The following GALNTL6 variants were observed in gnomAD, a reference collection of about 807,000 sequenced individuals.
The protein encoded by GALNTL6 is polypeptide N-acetylgalactosaminyltransferase-like 6.
A neutral mutation model predicts 73.7 loss-of-function variants in GALNTL6; 46 were observed. The ratio of observed to expected loss-of-function variants is 0.62; its 90% CI spans 0.49 to 0.80. GALNTL6 has a LOEUF of 0.80. GALNTL6 is among the 30% of genes least tolerant of loss of function. GALNTL6 has a pLI of 0.00. For missense variants in GALNTL6, 604 were observed against 755.0 expected (o/e 0.80, Z 2.34); for synonymous variants, 259 against 263.7 (o/e 0.98, Z 0.17).
At chr4:172,185,025 A>G (rs1030083892) in intron 2 of GALNTL6, among the ~76,000 whole-genome samples, 1 of 152,212 alleles carries the variant, frequency 6.6e-6, no homozygotes, top group Admixed American at 6.5e-5. Context: ...CATTCAAACC[A>G]TAGCAGGTGA....
chr4:171,877,076 G>A (rs1303034798), intron 2 of GALNTL6, among the ~76,000 whole-genome samples: 1 of 152,058 alleles, frequency 6.6e-6, no homozygotes, highest in Non-Finnish European at 1.5e-5. Context: ...AAATGTATTT[G>A]TAGACCCAAG....
chr4:172,597,884 A>G (rs1355596812), intron 5 of GALNTL6, among the ~76,000 whole-genome samples: 1 of 152,006 alleles, frequency 6.6e-6, no homozygotes, highest in Non-Finnish European at 1.5e-5. Context: ...CCCCAGGCAG[A>G]CAGAGTCCTA....
chr4:171,955,515 A>G (rs1021799542), intron 2 of GALNTL6, among the ~76,000 whole-genome samples: 8 of 152,148 alleles, frequency 5.3e-5, no homozygotes, highest in Middle Eastern at 3.4e-3. Flanking sequence ...TAAAAGGTAT[A>G]TTGTTTGCAT....
intron 2 of GALNTL6, among the ~76,000 whole-genome samples, chr4:171,962,353 T>A (rs1345154835): frequency 6.6e-6 from 1 of 151,984 alleles, no homozygotes; most frequent in African/African-American, 2.4e-5. Flanking sequence ...AGATAGGAGA[T>A]CCGCACAAGA....
At position 172,207,388 on chromosome 4, in the gene GALNTL6, A is replaced by C. The variant is rs575883249; in HGVS notation, c.139-22268A>C. 5.6e-4 allele frequency among the ~76,000 whole-genome samples: 86 copies of C among 152,314 alleles called. 1 individual carries two copies. The highest frequency in any genetic ancestry group is 2.1e-3 in the African/African-American group (86 of 41,578). On this transcript the variant is annotated intron_variant, in intron 2 of 12. Coordinates refer to ENST00000506823, the MANE Select transcript of GALNTL6 (RefSeq NM_001034845.3). ...CTTTTGGAATTGCCAGGAGAGAGAC[A>C]GTAAAGGAGCAAGAGGGATGGTGGT...
intron 2 of GALNTL6, among the ~76,000 whole-genome samples, chr4:172,093,907 G>A (rs990972745): frequency 6.6e-6 from 1 of 152,080 alleles, no homozygotes; most frequent in African/African-American, 2.4e-5. Context: ...ATTATGGTGA[G>A]TCGTATCATT....
chr4:172,487,819 A>T (rs996562290), intron 5 of GALNTL6, among the ~76,000 whole-genome samples: 1 of 152,208 alleles, frequency 6.6e-6, no homozygotes, highest in Admixed American at 6.5e-5. Context: ...AATACCTCTA[A>T]GGTCACTGTT....
intron 5 of GALNTL6, among the ~76,000 whole-genome samples, chr4:172,546,030 A>G (rs949601147): frequency 6.6e-6 from 1 of 152,176 alleles, no homozygotes; most frequent in African/African-American, 2.4e-5. Flanking sequence ...TTTTAAATAC[A>G]TGTGTATATA....
At chr4:172,429,950 G>T (rs947267960) in intron 5 of GALNTL6, among the ~76,000 whole-genome samples, 4 of 152,034 alleles carry the variant, frequency 2.6e-5, no homozygotes, top group African/African-American at 7.2e-5. Context: ...TCACCTAACT[G>T]CTTCAAACAG....
intron 2 of GALNTL6, among the ~76,000 whole-genome samples, chr4:171,918,586 G>A (rs563494811): frequency 6.6e-6 from 1 of 152,020 alleles, no homozygotes; most frequent in Non-Finnish European, 1.5e-5. Context: ...CAATATGGAG[G>A]TTCCTCAAAA....
At chr4:172,828,035 G>A (rs1185869728) in intron 7 of GALNTL6, among the ~76,000 whole-genome samples, 1 of 151,924 alleles carries the variant, frequency 6.6e-6, no homozygotes, top group African/African-American at 2.4e-5. Flanking sequence ...ACTGTGGGAG[G>A]CCAAGCCAGG....
intron 12 of GALNTL6, among the ~76,000 whole-genome samples, chr4:173,036,794 G>A (rs1753714751): frequency 6.6e-6 from 1 of 152,106 alleles, no homozygotes; most frequent in Non-Finnish European, 1.5e-5. Context: ...AGGGAGGGTT[G>A]TTTTAGAACA....
chr4:172,135,056 T>G (rs1232264043), intron 2 of GALNTL6, among the ~76,000 whole-genome samples: 1 of 152,208 alleles, frequency 6.6e-6, no homozygotes, highest in Admixed American at 6.5e-5. Context: ...CTCATTTGAC[T>G]CTTTCAAATT....
intron 5 of GALNTL6, among the ~76,000 whole-genome samples, chr4:172,583,124 C>T (rs912257374): frequency 1.3e-5 from 2 of 150,788 alleles, no homozygotes; most frequent in Non-Finnish European, 1.5e-5. Flanking sequence ...AACCTCCCTG[C>T]CCCCAATTCA....
At chr4:172,411,239 C>G (rs1302666951) in intron 5 of GALNTL6, among the ~76,000 whole-genome samples, 1 of 151,964 alleles carries the variant, frequency 6.6e-6, no homozygotes, top group Non-Finnish European at 1.5e-5. Context: ...ATTTATATGA[C>G]CACTGTGGAA....
intron 2 of GALNTL6, among the ~76,000 whole-genome samples, chr4:171,906,208 G>A (rs1737271393): frequency 6.7e-6 from 1 of 149,006 alleles, no homozygotes; most frequent in Non-Finnish European, 1.5e-5. Flanking sequence ...TCCAGGAGCT[G>A]GTTTTTTGAA....
intron 2 of GALNTL6, among the ~76,000 whole-genome samples, chr4:171,892,205 G>C (rs1018484586): frequency 6.6e-6 from 1 of 152,130 alleles, no homozygotes. Flanking sequence ...ATATTCCAAA[G>C]TCCAAAAAGA....
chr4:172,621,444 G>GA lies in GALNTL6; in HGVS notation c.554-187917_554-187916insA, dbSNP rs1378866526. Among the ~76,000 whole-genome samples the GA allele has an allele frequency of 9.2e-5, 14 of 152,134 alleles. 1 individual carries two copies. The East Asian group carries it at 2.1e-3, about 23-fold the overall frequency. On this transcript the variant is annotated intron_variant, in intron 5 of 12. Coordinates refer to ENST00000506823, the MANE Select transcript of GALNTL6 (RefSeq NM_001034845.3). ...AGGTTAGTTCTTGTCTTTCACAATT[G>GA]CTAGTTGGGGAATTACTTTCCAGGG...
intron 2 of GALNTL6, among the ~76,000 whole-genome samples, chr4:171,934,700 G>T (rs148984902): frequency 7.4e-4 from 112 of 152,230 alleles, no homozygotes; most frequent in African/African-American, 2.6e-3. Context: ...ATGGGCATGA[G>T]CCACTGCACC....
Sources: allele counts gnomAD v4.1 joint callset (sites outside exome capture counted in the v4.1 genomes callset), GRCh38; gene constraint gnomAD v4.1.1; transcripts MANE v1.5; gene names NCBI Gene and HGNC (gene_info 2026-07-23, HGNC 2026-07-21).